The following MAN1C1 variants were observed in gnomAD, a reference collection of about 807,000 sequenced individuals.
MAN1C1 encodes mannosyl-oligosaccharide 1,2-alpha-mannosidase IC.
Under a neutral mutation model 71.5 loss-of-function variants are expected in MAN1C1, and 49 were observed. That is an observed-to-expected ratio of 0.69 (90% CI 0.54 to 0.87). The LOEUF is 0.87. MAN1C1 is among the 40% of genes least tolerant of loss of function. MAN1C1 has a pLI of 0.00. For missense variants in MAN1C1, 743 were observed against 835.0 expected, an observed-to-expected ratio of 0.89 and a Z score of 1.36; for synonymous variants, 352 against 343.7, an observed-to-expected ratio of 1.02 and a Z score of -0.27.
chr1:25,695,752 T>C (rs1047516419), intron 2 of MAN1C1, among the ~76,000 whole-genome samples: 1 of 152,244 alleles, frequency 6.6e-6, no homozygotes, highest in Non-Finnish European at 1.5e-5. Flanking sequence ...GAAAATATAG[T>C]AGCAAGTTGT....
In MAN1C1 at chr1:25,753,464, T is replaced by A. The variant is rs755372726; in HGVS notation, c.835-20T>A. On this transcript the variant is annotated intron_variant, in intron 4 of 11. Coordinates refer to ENST00000374332, the MANE Select transcript of MAN1C1 (RefSeq NM_020379.4). The surrounding 1 kb of genome is among the most constrained non-coding windows in gnomAD (Gnocchi z 4.9). ...TCACCCAGCCTGGAGTCAAAAGCCC[T>A]TTGATCCCCTCCTTTACAGGTGTTC... The A allele has an allele frequency of 6.3e-7, 1 of 1,599,742 alleles. No homozygotes were observed.
At chr1:25,665,086 G>C (rs950031869) in intron 1 of MAN1C1, among the ~76,000 whole-genome samples, 1 of 152,088 alleles carries the variant, frequency 6.6e-6, no homozygotes, top group Admixed American at 6.6e-5. Flanking sequence ...GTGTAGAAAC[G>C]GTTTCTGACA....
chr1:25,644,518 A>ATATATATATATATATTTTTTT (rs61386117), intron 1 of MAN1C1: 1 of 40,286 alleles, frequency 2.5e-5, no homozygotes, highest in African/African-American at 1.9e-4. Flanking sequence ...ATATATATAT[A>ATATATATATATATATTTTTTT]TTTTTTTTTT....
At chr1:25,629,211 A>G (rs1314521987) in intron 1 of MAN1C1, among the ~76,000 whole-genome samples, 5 of 152,208 alleles carry the variant, frequency 3.3e-5, no homozygotes, top group Admixed American at 1.3e-4. Flanking sequence ...CATTCCTACC[A>G]GCAGTGTATG....
intron 2 of MAN1C1, among the ~76,000 whole-genome samples, chr1:25,719,801 TTTGA>T (rs2046739312): frequency 6.6e-6 from 1 of 152,154 alleles, no homozygotes; most frequent in Non-Finnish European, 1.5e-5. Flanking sequence ...TGTTTGTTTG[TTTGA>T]GACAGTTTCA....
intron 3 of MAN1C1, among the ~76,000 whole-genome samples, chr1:25,748,395 G>C (rs2047166841): frequency 6.6e-6 from 1 of 152,188 alleles, no homozygotes; most frequent in Non-Finnish European, 1.5e-5. Flanking sequence ...AAAGACGATG[G>C]TGTGCAAAGC....
At chr1:25,677,432 G>GTACACA (rs1557760938) in intron 1 of MAN1C1, among the ~76,000 whole-genome samples, 1 of 144,948 alleles carries the variant, frequency 6.9e-6, no homozygotes, top group Non-Finnish European at 1.5e-5. Flanking sequence ...ACACACACAC[G>GTACACA]TACACACACA....
intron 6 of MAN1C1, chr1:25,761,580 C>G (rs967404938): frequency 6.7e-6 from 1 of 149,842 alleles, no homozygotes; most frequent in South Asian, 2.1e-4. Context: ...AGCATCTCCC[C>G]AACCCTTGGT....
At position 25,729,986 on chromosome 1, in the gene MAN1C1, A is replaced by G. The variant is rs972535870; in HGVS notation, c.638-16682A>G. On this transcript the variant is annotated intron_variant, in intron 2 of 11. Transcript: ENST00000374332. ...GCACCTGTCACAAGGCTTCATAATC[A>G]TTCATTTACTTGCTGTTTTGCTGGG... Among the ~76,000 whole-genome samples, 20 of 152,292 alleles carry G rather than the reference A, an allele frequency of 1.3e-4. 1 individual carries two copies. The highest frequency in any genetic ancestry group is 6.8e-3 in the Middle Eastern group (2 of 292).
chr1:25,740,183 G>T (rs931846094), intron 2 of MAN1C1, among the ~76,000 whole-genome samples: 3 of 152,156 alleles, frequency 2.0e-5, no homozygotes, highest in Non-Finnish European at 4.4e-5. Context: ...TGAGTGGCAT[G>T]AACAGTTTCA....
intron 1 of MAN1C1, among the ~76,000 whole-genome samples, chr1:25,618,655 C>A (rs2045155769): frequency 6.6e-6 from 1 of 152,048 alleles, no homozygotes; most frequent in South Asian, 2.1e-4. Context: ...GAGCTCCACT[C>A]CTTCCCTTTG....
In MAN1C1 at chr1:25,730,889, G is replaced by A. The variant is rs2046900017; in HGVS notation, c.638-15779G>A. ...CGACAGGGTTATTGCTAGTACCTTGGACAGATGCAGACTCGCTGCTGGCTC... is the reference window on the plus strand; with the variant it reads ...CGACAGGGTTATTGCTAGTACCTTGAACAGATGCAGACTCGCTGCTGGCTC... On this transcript the variant is annotated intron_variant, in intron 2 of 11. Coordinates refer to ENST00000374332, the MANE Select transcript of MAN1C1 (RefSeq NM_020379.4). The surrounding 1 kb of genome is among the most constrained non-coding windows in gnomAD (Gnocchi z 4.3). Among the ~76,000 whole-genome samples the A allele has an allele frequency of 6.6e-6, 1 of 152,222 alleles. No individual in the cohort carries two copies. Among genetic ancestry groups the A allele is most frequent in the African/African-American group, 2.4e-5 (1 of 41,456 alleles).
chr1:25,678,596 T>C (rs1350451505), intron 1 of MAN1C1, among the ~76,000 whole-genome samples: 2 of 152,196 alleles, frequency 1.3e-5, no homozygotes, highest in East Asian at 3.9e-4. Context: ...TCTTAGAAAC[T>C]CTGGTCTAAG....
At position 25,746,900 on chromosome 1, in the gene MAN1C1, C is replaced by T. The variant is rs2047137167; in HGVS notation, c.753+117C>T. On this transcript the variant is annotated intron_variant, in intron 3 of 11. Coordinates refer to ENST00000374332, the MANE Select transcript of MAN1C1 (RefSeq NM_020379.4). The surrounding 1 kb of genome is among the most constrained non-coding windows in gnomAD (Gnocchi z 4.0). ...GTTGAGGGTCTCTCCCACGGCTGCA[C>T]AGCCCAGCAGTCTCGGAACCGGAGC... is the stretch of plus-strand genomic sequence containing the variant. 1 of 696,062 alleles carries T rather than the reference C, an allele frequency of 1.4e-6. No homozygotes were observed. The highest frequency in any genetic ancestry group is 2.4e-6 in the Non-Finnish European group (1 of 409,954). The allele number at this position is 696,062 out of a possible 1,614,324, so 43.1% of individuals were successfully genotyped here.
At chr1:25,690,023 A>G (rs1428068426) in intron 2 of MAN1C1, among the ~76,000 whole-genome samples, 1 of 152,148 alleles carries the variant, frequency 6.6e-6, no homozygotes, top group Non-Finnish European at 1.5e-5. Context: ...CTGGTGTGGC[A>G]CTTCACCAAG....
intron 1 of MAN1C1, among the ~76,000 whole-genome samples, chr1:25,684,967 G>A (rs1338868979): frequency 6.6e-6 from 1 of 152,232 alleles, no homozygotes; most frequent in Non-Finnish European, 1.5e-5. Context: ...AACTCAGGGT[G>A]GGGCCCAACA....
At chr1:25,719,497 T>C (rs987811322) in intron 2 of MAN1C1, among the ~76,000 whole-genome samples, 1 of 151,936 alleles carries the variant, frequency 6.6e-6, no homozygotes, top group Admixed American at 6.6e-5. Flanking sequence ...TCATTTTAGC[T>C]CACTGCAGCC....
chr1:25,770,279 G>T (rs2047532375), intron 7 of MAN1C1, among the ~76,000 whole-genome samples: 1 of 152,158 alleles, frequency 6.6e-6, no homozygotes, highest in South Asian at 2.1e-4. Flanking sequence ...TCCAATTTTT[G>T]CAGATGCTGG....
intron 7 of MAN1C1, among the ~76,000 whole-genome samples, chr1:25,765,737 G>A (rs910722263): frequency 6.6e-6 from 1 of 152,216 alleles, no homozygotes; most frequent in Non-Finnish European, 1.5e-5. Context: ...TAGAGAGGCA[G>A]CATTGGGGAC....
Sources: allele counts gnomAD v4.1 joint callset (sites outside exome capture counted in the v4.1 genomes callset), GRCh38; gene constraint gnomAD v4.1.1; non-coding constraint Gnocchi (gnomAD v3.1); transcripts MANE v1.5; gene names NCBI Gene and HGNC (gene_info 2026-07-23, HGNC 2026-07-21).